MAST4: variants seen among roughly 807,000 people sequenced by gnomAD.
MAST4 encodes microtubule associated serine/threonine kinase family member 4.
Under a neutral mutation model 162.7 loss-of-function variants are expected in MAST4, and 89 were observed. The ratio of observed to expected loss-of-function variants is 0.55; its 90% CI spans 0.46 to 0.65. The LOEUF (loss-of-function observed/expected upper bound fraction) is 0.65, where lower values mean the gene tolerates loss of function less well. MAST4 is among the 30% of genes least tolerant of loss of function. The pLI is 0.00. For synonymous variants in MAST4, 1,479 were observed against 1,361.1 expected, an observed-to-expected ratio of 1.09 and a Z score of -1.91; for missense variants, 3,153 against 3,374.0, an observed-to-expected ratio of 0.93 and a Z score of 1.62.
chr5:66,876,649 T>C (rs533811864), intron 3 of MAST4, among the ~76,000 whole-genome samples: 1 of 152,272 alleles, frequency 6.6e-6, no homozygotes, highest in East Asian at 1.9e-4. Flanking sequence ...ATCAGGCTGT[T>C]TTGGTGTAAG....
intron 10 of MAST4, among the ~76,000 whole-genome samples, chr5:67,105,656 T>A (rs1165979813): frequency 6.6e-6 from 1 of 152,254 alleles, no homozygotes; most frequent in Non-Finnish European, 1.5e-5. Flanking sequence ...AAATGAATTT[T>A]ACAGGAAAAT....
At chr5:67,075,178 T>TTC (rs397720961) in intron 5 of MAST4, among the ~76,000 whole-genome samples, 1 of 148,940 alleles carries the variant, frequency 6.7e-6, no homozygotes, top group Admixed American at 6.7e-5. Flanking sequence ...TTTTTTTTTT[T>TTC]CGTTCCTTTT....
chr5:66,794,685 T>G (rs915965870), intron 3 of MAST4, among the ~76,000 whole-genome samples: 4 of 152,234 alleles, frequency 2.6e-5, no homozygotes, highest in African/African-American at 9.6e-5. Context: ...CTTTCTAGAA[T>G]TCTTAACTTT....
intron 19 of MAST4, among the ~76,000 whole-genome samples, chr5:67,136,969 C>T (rs962353605): frequency 5.9e-5 from 9 of 152,196 alleles, no homozygotes; most frequent in Non-Finnish European, 1.3e-4. Flanking sequence ...CTCAAAGGCA[C>T]ATGTAACTCT....
At chr5:66,945,619 GTC>G (rs1743934025) in intron 4 of MAST4, among the ~76,000 whole-genome samples, 1 of 152,130 alleles carries the variant, frequency 6.6e-6, no homozygotes, top group Non-Finnish European at 1.5e-5. Context: ...GCCCTTAGCT[GTC>G]TCTGTGTCTG....
At chr5:66,630,228 G>A (rs911404751) in intron 1 of MAST4, among the ~76,000 whole-genome samples, 1 of 152,200 alleles carries the variant, frequency 6.6e-6, no homozygotes, top group Non-Finnish European at 1.5e-5. Context: ...GGATGTCACA[G>A]ACTCTGGCCA....
chr5:66,596,907 A>C lies in MAST4; in HGVS notation c.252A>C (p.Ala84=). ...GGGCGCCCGCCGCGTGGGCTCCGGC[A>C]AGCGTGCTGCTGGAGCGCGGAGTCC... ...GARAPAAWAP[A]SVLLERGVLA... is the part of the protein sequence containing the mutation. The change falls in exon 1 of 29, where the codon GCA becomes GCC. Residue 84 remains alanine (A), a synonymous_variant. Transcript: ENST00000403625. 7.8e-7 allele frequency: 1 copy of C among 1,288,550 alleles called. No individual in the cohort carries two copies. Among genetic ancestry groups the C allele is most frequent in the Non-Finnish European group, 9.8e-7 (1 of 1,016,810 alleles). 79.8% of individuals were successfully genotyped at this position (1,288,550 alleles called of 1,614,324 possible).
intron 19 of MAST4, among the ~76,000 whole-genome samples, chr5:67,141,221 T>C (rs899386619): frequency 6.6e-6 from 1 of 152,176 alleles, no homozygotes; most frequent in Non-Finnish European, 1.5e-5. Context: ...AGCAGAGATC[T>C]TTTGGCAGGG....
At chr5:66,609,709 T>TG (rs201494093) in intron 1 of MAST4, among the ~76,000 whole-genome samples, 19,089 of 145,778 alleles carry the variant, frequency 0.13, 1,593 homozygotes, top group East Asian at 0.26. Flanking sequence ...TTTTTTGTTT[T>TG]TTTTTTTTTG....
chr5:66,727,358 T>C (rs2149548815), intron 1 of MAST4, among the ~76,000 whole-genome samples: 1 of 152,314 alleles, frequency 6.6e-6, no homozygotes, highest in Non-Finnish European at 1.5e-5. Flanking sequence ...GCAAAATGAC[T>C]CTGCATTGAT....
chr5:66,736,651 CT>C (rs1752173876), intron 1 of MAST4, among the ~76,000 whole-genome samples: 1 of 152,168 alleles, frequency 6.6e-6, no homozygotes, highest in African/African-American at 2.4e-5. Flanking sequence ...CGTAGTTTTT[CT>C]GCAGTCCTGC....
At chr5:66,915,475 A>G (rs1268498820) in intron 4 of MAST4, among the ~76,000 whole-genome samples, 2 of 152,316 alleles carry the variant, frequency 1.3e-5, no homozygotes, top group African/African-American at 4.8e-5. Context: ...GCTAGTTTAA[A>G]AAAAGAATAG....
intron 1 of MAST4, among the ~76,000 whole-genome samples, chr5:66,758,177 C>G (rs369465097): frequency 6.6e-6 from 1 of 151,658 alleles, no homozygotes; most frequent in Non-Finnish European, 1.5e-5. Context: ...AAATACTGAC[C>G]GGCAATGAGT....
chr5:66,847,304 TG>T (rs1199922627), intron 3 of MAST4, among the ~76,000 whole-genome samples: 1 of 152,202 alleles, frequency 6.6e-6, no homozygotes, highest in Admixed American at 6.5e-5. Context: ...GAGGCAAAGA[TG>T]CTTTTTCTTG....
chr5:67,123,357 ATT>A (rs1767810574), intron 14 of MAST4, among the ~76,000 whole-genome samples: 1 of 152,184 alleles, frequency 6.6e-6, no homozygotes, highest in African/African-American at 2.4e-5. Context: ...TAAACATCTG[ATT>A]CCTTCTCTGT....
chr5:67,050,959 A>T (rs1010621193), intron 4 of MAST4, among the ~76,000 whole-genome samples: 1 of 152,152 alleles, frequency 6.6e-6, no homozygotes, highest in African/African-American at 2.4e-5. Flanking sequence ...AAAAGAATGT[A>T]TTTGGGGATG....
At chr5:66,929,312 G>A (rs539225059) in intron 4 of MAST4, among the ~76,000 whole-genome samples, 1 of 152,258 alleles carries the variant, frequency 6.6e-6, no homozygotes, top group East Asian at 1.9e-4. Context: ...AGGAAATGGA[G>A]AGGAGGAAAT....
At chr5:67,049,061 G>GTGTATATA (rs538379189) in intron 4 of MAST4, among the ~76,000 whole-genome samples, 1 of 75,914 alleles carries the variant, frequency 1.3e-5, no homozygotes, top group Admixed American at 1.4e-4. Flanking sequence ...ATATATATAC[G>GTGTATATA]TATATATATA....
intron 4 of MAST4, among the ~76,000 whole-genome samples, chr5:66,909,941 C>T (rs1763637065): frequency 6.6e-6 from 1 of 152,194 alleles, no homozygotes; most frequent in South Asian, 2.1e-4. Context: ...TCCTCCTTCA[C>T]CTTTTGCCGT....
Sources: allele counts gnomAD v4.1 joint callset (sites outside exome capture counted in the v4.1 genomes callset), GRCh38; gene constraint gnomAD v4.1.1; transcripts MANE v1.5; gene names NCBI Gene and HGNC (gene_info 2026-07-23, HGNC 2026-07-21).